NHERF1: variants seen among roughly 807,000 people sequenced by gnomAD.
NHERF1 encodes the protein NHERF family PDZ scaffold protein 1, also known as Na(+)/H(+) exchange regulatory cofactor NHE-RF1.
chr17:74,762,247 A>AT, the NHERF1 span: 4 of 1,540,456 alleles, frequency 2.6e-6, no homozygotes, highest in Non-Finnish European at 3.6e-6. This position sits in a 1 kb window ranked among gnomAD's most constrained non-coding sequence, Gnocchi z 4.2. Flanking sequence ...GGCAGCCATC[A>AT]TACCATCATG....
chr17:74,764,933 G>A, the NHERF1 span, among the ~76,000 whole-genome samples: 1 of 152,234 alleles, frequency 6.6e-6, no homozygotes, highest in Non-Finnish European at 1.5e-5. The surrounding 1 kb of genome is among the most constrained non-coding windows in gnomAD (Gnocchi z 4.9). Context: ...TCAAAAGGGA[G>A]GAGAAGATGA....
chr17:74,749,615 C>T, the NHERF1 span, among the ~76,000 whole-genome samples: 1 of 152,200 alleles, frequency 6.6e-6, no homozygotes, highest in Non-Finnish European at 1.5e-5. This position sits in a 1 kb window ranked among gnomAD's most constrained non-coding sequence, Gnocchi z 5.6. Context: ...TGCTCCCGTT[C>T]CTCGGAATCC....
chr17:74,768,128 AC>A, the NHERF1 span: 2 of 1,575,026 alleles, frequency 1.3e-6, no homozygotes, highest in Non-Finnish European at 8.7e-7. Flanking sequence ...ACAACCCACA[AC>A]CCTCTCCTCT....
At chr17:74,749,063 C>T in the NHERF1 span, 2 of 1,595,272 alleles carry the variant, frequency 1.3e-6, no homozygotes, top group South Asian at 2.3e-5. The surrounding 1 kb of genome is among the most constrained non-coding windows in gnomAD (Gnocchi z 5.6). Context: ...GGAGACCCAC[C>T]AGCAGGTGGT....
the NHERF1 span, among the ~76,000 whole-genome samples, chr17:74,767,463 G>A: frequency 7.9e-5 from 12 of 152,204 alleles, no homozygotes; most frequent in Non-Finnish European, 1.6e-4. Context: ...TGGGTGCCAA[G>A]CTGACGCCCC....
At chr17:74,763,508 G>A in the NHERF1 span, 1 of 1,596,762 alleles carries the variant, frequency 6.3e-7, no homozygotes, top group Non-Finnish European at 8.5e-7. Context: ...CCCATCTCAG[G>A]AGCACCTGAA....
the NHERF1 span, among the ~76,000 whole-genome samples, chr17:74,750,414 G>C: frequency 1.3e-5 from 2 of 152,208 alleles, no homozygotes; most frequent in African/African-American, 4.8e-5. Flanking sequence ...GCTACGAGGA[G>C]CCTCCTGGAC....
At chr17:74,751,193 C>T in the NHERF1 span, among the ~76,000 whole-genome samples, 29 of 152,132 alleles carry the variant, frequency 1.9e-4, no homozygotes, top group Admixed American at 1.9e-3. This position sits in a 1 kb window ranked among gnomAD's most constrained non-coding sequence, Gnocchi z 4.3. Context: ...CGTTTGAATC[C>T]CAGCTCCTCT....
the NHERF1 span, chr17:74,763,226 G>C: frequency 2.8e-6 from 2 of 705,326 alleles, no homozygotes; most frequent in Non-Finnish European, 4.7e-6. Context: ...CTGCAGAAAT[G>C]GCGGGGGTCA....
chr17:74,749,011 G>T, the NHERF1 span: 8 of 1,609,046 alleles, frequency 5.0e-6, no homozygotes, highest in Non-Finnish European at 6.8e-6. The surrounding 1 kb of genome is among the most constrained non-coding windows in gnomAD (Gnocchi z 5.6). Flanking sequence ...GGCTGCTGGC[G>T]GGGGACCGGC....
At chr17:74,749,223 C>T in the NHERF1 span, 1 of 1,526,642 alleles carries the variant, frequency 6.6e-7, no homozygotes, top group South Asian at 1.2e-5. The surrounding 1 kb of genome is among the most constrained non-coding windows in gnomAD (Gnocchi z 5.6). Context: ...CCGGCCGCCG[C>T]CGAGGTGCAG....
chr17:74,763,138 A>G, the NHERF1 span: 3 of 498,516 alleles, frequency 6.0e-6, no homozygotes, highest in Non-Finnish European at 1.1e-5. Flanking sequence ...TCGTCTGGAT[A>G]TTTTCGTTGG....
the NHERF1 span, chr17:74,768,907 T>G: frequency 1.9e-6 from 1 of 528,416 alleles, no homozygotes; most frequent in African/African-American, 1.9e-5. Flanking sequence ...CTACCGGGTG[T>G]CCCTTTGCCA....
the NHERF1 span, chr17:74,768,881 C>G: frequency 8.8e-6 from 5 of 570,020 alleles, no homozygotes; most frequent in East Asian, 1.5e-4. Flanking sequence ...CCCTCCTCCT[C>G]ACTGAGTGCC....
At chr17:74,765,180 G>A in the NHERF1 span, among the ~76,000 whole-genome samples, 8 of 152,224 alleles carry the variant, frequency 5.3e-5, no homozygotes, top group African/African-American at 1.9e-4. Context: ...GGATACCCAG[G>A]ACACACCCCT....
the NHERF1 span, among the ~76,000 whole-genome samples, chr17:74,757,110 ACT>A: frequency 6.6e-6 from 1 of 151,962 alleles, no homozygotes; most frequent in African/African-American, 2.4e-5. Flanking sequence ...CCTGAGCCAG[ACT>A]CTGCCCCCTC....
the NHERF1 span, among the ~76,000 whole-genome samples, chr17:74,751,441 G>C: frequency 1.3e-5 from 2 of 152,212 alleles, no homozygotes; most frequent in African/African-American, 4.8e-5. The surrounding 1 kb of genome is among the most constrained non-coding windows in gnomAD (Gnocchi z 4.3). Flanking sequence ...GTCTTCATTA[G>C]CCCTCCACTT....
chr17:74,752,582 C>T, the NHERF1 span, among the ~76,000 whole-genome samples: 1 of 152,084 alleles, frequency 6.6e-6, no homozygotes, highest in Non-Finnish European at 1.5e-5. Context: ...CAGCCTCGAC[C>T]TCCAGGGCTC....
chr17:74,752,866 A>C, the NHERF1 span, among the ~76,000 whole-genome samples: 4 of 152,174 alleles, frequency 2.6e-5, no homozygotes, highest in Non-Finnish European at 5.9e-5. Flanking sequence ...ACTGTGGCCT[A>C]TTTGTGTTTC....
Sources: allele counts gnomAD v4.1 joint callset (sites outside exome capture counted in the v4.1 genomes callset), GRCh38; gene constraint gnomAD v4.1.1; non-coding constraint Gnocchi (gnomAD v3.1); transcripts MANE v1.5; gene names NCBI Gene and HGNC (gene_info 2026-07-23, HGNC 2026-07-21).